The following DYRK2 variants were observed in gnomAD, a reference collection of about 807,000 sequenced individuals.
DYRK2 encodes dual specificity tyrosine phosphorylation regulated kinase 2, also known as dual specificity tyrosine-phosphorylation-regulated kinase 2.
DYRK2 carries 12 observed loss-of-function variants against 41.6 expected under a neutral mutation model. The observed-to-expected ratio is 0.29, with a 90% CI of 0.18 to 0.47. The LOEUF is 0.47. Among genes scored for constraint, DYRK2 ranks in the 20% least tolerant of loss-of-function variants. The pLI, the probability that DYRK2 is intolerant of heterozygous loss-of-function variation, is 1.00. For missense variants in DYRK2, 678 were observed against 798.4 expected, an observed-to-expected ratio of 0.85 and a Z score of 1.82; for synonymous variants, 322 against 315.7, an observed-to-expected ratio of 1.02 and a Z score of -0.21.
At position 67,658,440 on chromosome 12, in the gene DYRK2, C is replaced by A. The variant is rs777442529; in HGVS notation, c.1533C>A (p.Phe511Leu). Reference sequence around the variant, plus strand: ...GTGATGATCCCCTTTTCCTTGACTTCTTAAAACAGTGTTTAGAGTGGGATC... The same window carrying A: ...GTGATGATCCCCTTTTCCTTGACTTATTAAAACAGTGTTTAGAGTGGGATC... ...KGCDDPLFLD[F>L]LKQCLEWDPA... The change falls in exon 3 of 3, where the codon TTC (phenylalanine) becomes TTA (leucine). Residue 511 changes from phenylalanine to leucine, a missense_variant. Around this residue, in one of 2 missense-constraint regions of DYRK2, gnomAD observed 393 missense variants for 519.1 expected, o/e 0.76. Coordinates refer to ENST00000344096, the MANE Select transcript of DYRK2 (RefSeq NM_006482.3). This position sits in a 1 kb window ranked among gnomAD's most constrained non-coding sequence, Gnocchi z 4.3. 1 of 1,592,930 alleles carries A rather than the reference C, an allele frequency of 6.3e-7. No homozygotes were observed. Among genetic ancestry groups the A allele is most frequent in the South Asian group, 1.1e-5 (1 of 87,050 alleles).
Position 67,660,948 on chromosome 12 carries a change from A to G in DYRK2, c.*2235A>G, listed in dbSNP as rs1174201236. 6.0e-6 allele frequency: 1 copy of G among 167,090 alleles called. No individual in the cohort carries two copies. Among genetic ancestry groups the G allele is most frequent in the Non-Finnish European group, 1.5e-5 (1 of 68,118 alleles). The allele number at this position is 167,090 out of a possible 1,614,324, so 10.4% of individuals were successfully genotyped here. A position where few individuals can be genotyped will look rare whatever the true frequency, so the allele number is the denominator to read the frequency against. ...CTATAAAATGACGATACATGTGAAC[A>G]TTTATAAATGGACTAATACTGCTTG... On this transcript the variant is annotated 3_prime_UTR_variant, in exon 3 of 3. Transcript: ENST00000344096.
chr12:67,657,072 T>C lies in DYRK2; in HGVS notation c.199-34T>C. On this transcript the variant is annotated intron_variant, in intron 2 of 2. Coordinates refer to ENST00000344096, the MANE Select transcript of DYRK2 (RefSeq NM_006482.3). This position sits in a 1 kb window ranked among gnomAD's most constrained non-coding sequence, Gnocchi z 4.8. ...ATACACCATTTGAACAGACACCACT[T>C]CTTTTCTATTTATATTTCCTGTCTG... 1 of 1,525,628 alleles carries C rather than the reference T, an allele frequency of 6.6e-7. No homozygotes were observed. Among genetic ancestry groups the C allele is most frequent in the Admixed American group, 2.1e-5 (1 of 46,892 alleles). 94.5% of individuals were successfully genotyped at this position (1,525,628 alleles called of 1,614,324 possible). A position where few individuals can be genotyped will look rare whatever the true frequency, so the allele number is the denominator to read the frequency against.
chr12:67,649,085 CCGG>C lies in DYRK2; in HGVS notation c.-40_-38del, dbSNP rs1161903883. 3.5e-6 allele frequency: 5 copies of C among 1,448,052 alleles called. No individual in the cohort carries two copies. The highest frequency in any genetic ancestry group is 4.6e-6 in the Non-Finnish European group (5 of 1,089,878). The allele number at this position is 1,448,052 out of a possible 1,614,324, so 89.7% of individuals were successfully genotyped here. On this transcript the variant is annotated 5_prime_UTR_variant, in exon 1 of 3. Transcript: ENST00000344096. Reference sequence around the variant, plus strand: ...GCGGCCGCCAGAAGTAGCAGCAGGACCGGCGGCGGCGACGGCAGCCCTGAAATG... The same window carrying C: ...GCGGCCGCCAGAAGTAGCAGCAGGACCGGCGGCGACGGCAGCCCTGAAATG...
Position 67,657,417 on chromosome 12 carries a change from C to T in DYRK2, c.510C>T (p.Phe170=), listed in dbSNP as rs774410869. 5.6e-6 allele frequency: 9 copies of T among 1,614,014 alleles called. No homozygotes were observed. The highest frequency in any genetic ancestry group is 4.5e-5 in the East Asian group (2 of 44,886). ...AATACATGCAAAAACTCACAGCCTT[C>T]GAACACCATGAGATTTTCAGCTACC... ...MKQYMQKLTA[F]EHHEIFSYPE... Residue 170 remains phenylalanine, a synonymous_variant, in exon 3 of 3, where the codon TTC becomes TTT. Coordinates refer to ENST00000344096, the MANE Select transcript of DYRK2 (RefSeq NM_006482.3). This position sits in a 1 kb window ranked among gnomAD's most constrained non-coding sequence, Gnocchi z 4.8.
intron 2 of DYRK2, among the ~76,000 whole-genome samples, chr12:67,653,121 T>C (rs572527665): frequency 6.6e-6 from 1 of 152,320 alleles, no homozygotes; most frequent in South Asian, 2.1e-4. Flanking sequence ...TGAGCCCCTG[T>C]GCCCGGCCTC....
intron 2 of DYRK2, 51 bp downstream of exon 2, chr12:67,649,996 A>G: frequency 7.7e-7 from 1 of 1,292,504 alleles, no homozygotes; most frequent in Non-Finnish European, 9.8e-7. Context: ...GAGGGGCCCC[A>G]GGCCGAAGCA....
At chr12:67,653,666 C>T (rs1872386624) in intron 2 of DYRK2, among the ~76,000 whole-genome samples, 1 of 152,148 alleles carries the variant, frequency 6.6e-6, no homozygotes, top group African/African-American at 2.4e-5. Context: ...CTTCATGTTT[C>T]CTTATGAAGG....
intron 1 of DYRK2, chr12:67,649,569 G>C: frequency 2.1e-6 from 1 of 468,492 alleles, no homozygotes; most frequent in South Asian, 1.2e-4. Flanking sequence ...CCCCCGCCGG[G>C]TCGCGAACTC....
Position 67,648,790 on chromosome 12 carries a change from C to T in DYRK2, c.-344C>T, listed in dbSNP as rs1025239457. The T allele has an allele frequency of 6.2e-5, 10 of 161,498 alleles. No homozygotes were observed. The highest frequency in any genetic ancestry group is 1.2e-4 in the African/African-American group (5 of 41,124). The allele number at this position is 161,498 out of a possible 1,614,324, so 10.0% of individuals were successfully genotyped here. On this transcript the variant is annotated 5_prime_UTR_variant, in exon 1 of 3. Coordinates refer to ENST00000344096, the MANE Select transcript of DYRK2 (RefSeq NM_006482.3). Reference sequence around the variant, plus strand: ...CTCCCGAGCCAGGCGGTCTTCGGTCCTCGCAGCGCTTCCAGCTCCCCGCGC... The same window carrying T: ...CTCCCGAGCCAGGCGGTCTTCGGTCTTCGCAGCGCTTCCAGCTCCCCGCGC...
chr12:67,659,778 C>CTT lies in DYRK2; in HGVS notation c.*1067_*1068dup, dbSNP rs1872575280. 2 of 167,160 alleles carry CTT rather than the reference C, an allele frequency of 1.2e-5. No individual in the cohort carries two copies. Among genetic ancestry groups the CTT allele is most frequent in the South Asian group, 4.1e-4 (2 of 4,826 alleles). 10.4% of individuals were successfully genotyped at this position (167,160 alleles called of 1,614,324 possible). A position where few individuals can be genotyped will look rare whatever the true frequency, so the allele number is the denominator to read the frequency against. ...CTCTCAGCCTGGGAAACTATCAACTCTTTCTTTAAAAAGAAAGAGGGTTGA... is the reference window on the plus strand; with the variant it reads ...CTCTCAGCCTGGGAAACTATCAACTCTTTTTCTTTAAAAAGAAAGAGGGTTGA... On this transcript the variant is annotated 3_prime_UTR_variant, in exon 3 of 3. Transcript: ENST00000344096.
At chr12:67,655,979 C>T (rs1469081690) in intron 2 of DYRK2, among the ~76,000 whole-genome samples, 1 of 152,152 alleles carries the variant, frequency 6.6e-6, no homozygotes, top group Non-Finnish European at 1.5e-5. Flanking sequence ...CTTTGGCAGC[C>T]AGCCTCCTGT....
chr12:67,657,276 A>G lies in DYRK2; in HGVS notation c.369A>G (p.Pro123=). The G allele has an allele frequency of 6.2e-7, 1 of 1,614,060 alleles. No homozygotes were observed. Among genetic ancestry groups the G allele is most frequent in the Non-Finnish European group, 8.5e-7 (1 of 1,179,996 alleles). Residue 123 remains proline, a synonymous_variant, in exon 3 of 3, where the codon CCA becomes CCG. Coordinates refer to ENST00000344096, the MANE Select transcript of DYRK2 (RefSeq NM_006482.3). The surrounding 1 kb of genome is among the most constrained non-coding windows in gnomAD (Gnocchi z 4.8). The part of the protein sequence containing the change: ...TVGKTGLPVV[P]ERQLDSIHRR... Reference sequence around the variant, plus strand: ...GCAAAACGGGCTTGCCAGTGGTGCCAGAGCGGCAGCTGGACAGCATTCATA... The same window carrying G: ...GCAAAACGGGCTTGCCAGTGGTGCCGGAGCGGCAGCTGGACAGCATTCATA...
chr12:67,649,337 G>C (rs1048669862), intron 1 of DYRK2, among the ~76,000 whole-genome samples, 155 bp downstream of exon 1: 11 of 151,326 alleles, frequency 7.3e-5, no homozygotes, highest in African/African-American at 2.7e-4. Flanking sequence ...CGGGCTCCAT[G>C]CAGGGTTGTG....
At position 67,657,069 on chromosome 12, in the gene DYRK2, A is replaced by G; in HGVS notation, c.199-37A>G. ...CTTATACACCATTTGAACAGACACCACTTCTTTTCTATTTATATTTCCTGT... is the reference window on the plus strand; with the variant it reads ...CTTATACACCATTTGAACAGACACCGCTTCTTTTCTATTTATATTTCCTGT... On this transcript the variant is annotated intron_variant, in intron 2 of 2. Transcript: ENST00000344096. This position sits in a 1 kb window ranked among gnomAD's most constrained non-coding sequence, Gnocchi z 4.8. The G allele has an allele frequency of 6.6e-7, 1 of 1,523,038 alleles. No individual in the cohort carries two copies. Among genetic ancestry groups the G allele is most frequent in the East Asian group, 2.3e-5 (1 of 43,982 alleles). 94.3% of individuals were successfully genotyped at this position (1,523,038 alleles called of 1,614,324 possible).
Position 67,659,893 on chromosome 12 carries a change from T to G in DYRK2, c.*1180T>G, listed in dbSNP as rs1872578339. The G allele has an allele frequency of 6.0e-6, 1 of 167,070 alleles. No homozygotes were observed. Among genetic ancestry groups the G allele is most frequent in the African/African-American group, 2.4e-5 (1 of 41,456 alleles). 10.3% of individuals were successfully genotyped at this position (167,070 alleles called of 1,614,324 possible). On this transcript the variant is annotated 3_prime_UTR_variant, in exon 3 of 3. Coordinates refer to ENST00000344096, the MANE Select transcript of DYRK2 (RefSeq NM_006482.3). ...AGAGGAGGAAAAGTTCAACCTCAAG[T>G]TAAATGGTTTGACTTATTCTTCGTA...
chr12:67,657,515 A>G lies in DYRK2; in HGVS notation c.608A>G (p.Tyr203Cys), dbSNP rs1872512100. 4 of 1,613,924 alleles carry G rather than the reference A, an allele frequency of 2.5e-6. No individual in the cohort carries two copies. Among genetic ancestry groups the G allele is most frequent in the Admixed American group, 1.7e-5 (1 of 59,992 alleles). ...GMTGGPNNGG[Y>C]DDDQGSYVQV... Reference sequence around the variant, plus strand: ...ACAGGTGGGCCCAACAATGGTGGCTATGATGATGACCAGGGATCATATGTG... The same window carrying G: ...ACAGGTGGGCCCAACAATGGTGGCTGTGATGATGACCAGGGATCATATGTG... The change falls in exon 3 of 3, where the codon TAT becomes TGT. Residue 203 changes from tyrosine (Y) to cysteine (C), a missense_variant. Around this residue, in one of 2 missense-constraint regions of DYRK2, gnomAD observed 393 missense variants for 519.1 expected, o/e 0.76. Coordinates refer to ENST00000344096, the MANE Select transcript of DYRK2 (RefSeq NM_006482.3). The surrounding 1 kb of genome is among the most constrained non-coding windows in gnomAD (Gnocchi z 4.8).
At position 67,664,486 on chromosome 12, in the gene DYRK2, C is replaced by G. The variant is rs1435243677; in HGVS notation, c.*5773C>G. The G allele has an allele frequency of 6.6e-6, 1 of 152,126 alleles. No individual in the cohort carries two copies. The highest frequency in any genetic ancestry group is 1.5e-5 in the Non-Finnish European group (1 of 68,014). The allele number at this position is 152,126 out of a possible 1,614,324, so 9.4% of individuals were successfully genotyped here. On this transcript the variant is annotated 3_prime_UTR_variant, in exon 3 of 3. Coordinates refer to ENST00000344096, the MANE Select transcript of DYRK2 (RefSeq NM_006482.3). ...TGGAGATTTCATGATGTTGGATGAA[C>G]ATCAGTTTATCCTTATACATCCCTA...
Position 67,657,332 on chromosome 12 carries a change from C to T in DYRK2, c.425C>T (p.Ser142Phe), listed in dbSNP as rs753092948. Residue 142 changes from serine to phenylalanine, a missense_variant, in exon 3 of 3, where the codon TCC (serine) becomes TTC (phenylalanine). By Grantham distance (155) the Ser-to-Phe change is radical. Coordinates refer to ENST00000344096, the MANE Select transcript of DYRK2 (RefSeq NM_006482.3). The surrounding 1 kb of genome is among the most constrained non-coding windows in gnomAD (Gnocchi z 4.8). ...CAGGGGAGCTCCACCTCTCTAAAGT[C>T]CATGGAAGGCATGGGGAAGGTGAAA... is the stretch of plus-strand genomic sequence containing the variant. ...RRQGSSTSLKSMEGMGKVKAT... is the reference protein window; with the variant it reads ...RRQGSSTSLKFMEGMGKVKAT... The T allele has an allele frequency of 3.0e-5, 49 of 1,613,812 alleles. No homozygotes were observed. Among genetic ancestry groups the T allele is most frequent in the Non-Finnish European group, 2.5e-5 (30 of 1,179,974 alleles).
Position 67,649,898 on chromosome 12 carries a change from G to T in DYRK2, c.151G>T (p.Ala51Ser). 3.6e-6 allele frequency: 5 copies of T among 1,380,628 alleles called. No individual in the cohort carries two copies. The highest frequency in any genetic ancestry group is 4.7e-6 in the Non-Finnish European group (5 of 1,073,242). The allele number at this position is 1,380,628 out of a possible 1,614,324, so 85.5% of individuals were successfully genotyped here. Residue 51 changes from alanine (A) to serine (S), a missense_variant, in exon 2 of 3, where the codon GCC (alanine) becomes TCC (serine). Ala to Ser is a moderately conservative substitution (Grantham distance 99). This residue lies in a region of DYRK2 where 285 missense variants were observed against 279.2 expected (regional missense o/e 1.02). Coordinates refer to ENST00000344096, the MANE Select transcript of DYRK2 (RefSeq NM_006482.3). The stretch of plus-strand genomic sequence containing the variant: ...GGGGACTGGCCCGCCCTCCCCCATC[G>T]CCCTGCCGCCTCTCCGGGCCAGCAA... ...GVGTGPPSPI[A>S]LPPLRASNAA...
Sources: gnomAD v4.1 joint callset for allele counts (sites outside exome capture counted in the v4.1 genomes callset) on GRCh38, gnomAD v4.1.1 for gene constraint, gnomAD v4.1.1 regional missense constraint, Gnocchi (gnomAD v3.1) non-coding constraint, MANE v1.5 for transcripts, NCBI Gene and HGNC (gene_info 2026-07-23, HGNC 2026-07-21) for gene names.